Variants in GLT1D1 observed in about 807,000 individuals in gnomAD.
GLT1D1 encodes glycosyltransferase 1 domain containing 1.
In GLT1D1, 21 loss-of-function variants were observed where a neutral mutation model predicts 28.7. The observed-to-expected ratio is 0.73, with a 90% CI of 0.52 to 1.05. GLT1D1 has a LOEUF of 1.05. Ranked by LOEUF, GLT1D1 falls within the 50% of genes least tolerant of loss-of-function variation. GLT1D1 has a pLI of 0.00. For missense variants in GLT1D1, 343 were observed against 330.6 expected (o/e 1.04, Z -0.29); for synonymous variants, 147 against 124.8 (o/e 1.18, Z -1.19).
intron 4 of GLT1D1, among the ~76,000 whole-genome samples, chr12:128,943,027 G>A (rs1162996645): frequency 2.0e-5 from 3 of 152,154 alleles, no homozygotes; most frequent in East Asian, 1.9e-4. Flanking sequence ...GATTATAGGC[G>A]TGAGCCACCA....
intron 2 of GLT1D1, among the ~76,000 whole-genome samples, chr12:128,883,076 G>A (rs1022955233): frequency 2.0e-5 from 3 of 151,266 alleles, no homozygotes; most frequent in East Asian, 2.0e-4. Flanking sequence ...ACGAGCACGC[G>A]CCACCACGCC....
At chr12:128,863,188 G>A (rs1956421882) in intron 1 of GLT1D1, among the ~76,000 whole-genome samples, 1 of 152,236 alleles carries the variant, frequency 6.6e-6, no homozygotes, top group East Asian at 1.9e-4. Context: ...AGCCACATGG[G>A]AATAGGATGG....
chr12:128,925,236 A>C (rs1040602870), intron 4 of GLT1D1, among the ~76,000 whole-genome samples: 2 of 152,122 alleles, frequency 1.3e-5, no homozygotes, highest in African/African-American at 4.8e-5. Context: ...TTTATTATGT[A>C]GGTTAACAAT....
At chr12:128,961,566 C>T (rs773114104) in intron 7 of GLT1D1, among the ~76,000 whole-genome samples, 4 of 152,186 alleles carry the variant, frequency 2.6e-5, no homozygotes, top group Admixed American at 2.0e-4. Flanking sequence ...AGGCAAAGAA[C>T]GATGACTATC....
At chr12:128,896,699 C>T (rs1045870237) in intron 3 of GLT1D1, among the ~76,000 whole-genome samples, 37 of 151,484 alleles carry the variant, frequency 2.4e-4, no homozygotes, top group African/African-American at 3.6e-4. Flanking sequence ...CCTGCCTCAG[C>T]GTACCGAGTA....
At chr12:128,858,359 G>A (rs1046257629) in intron 1 of GLT1D1, among the ~76,000 whole-genome samples, 1 of 152,140 alleles carries the variant, frequency 6.6e-6, no homozygotes, top group African/African-American at 2.4e-5. Flanking sequence ...CATCCTTTGT[G>A]GGAGGAAAAT....
chr12:128,972,745 G>T (rs470393), intron 7 of GLT1D1, among the ~76,000 whole-genome samples: 2 of 152,080 alleles, frequency 1.3e-5, no homozygotes, highest in Non-Finnish European at 2.9e-5. Context: ...CCTGGTAAAA[G>T]GTGCAGCTGA....
intron 4 of GLT1D1, among the ~76,000 whole-genome samples, chr12:128,928,612 G>C (rs11060024): frequency 0.18 from 26,475 of 143,900 alleles, 2,642 homozygotes; most frequent in Non-Finnish European, 0.24. Flanking sequence ...CGTGTTTGTG[G>C]TTTTTTTTTT....
At chr12:128,928,824 G>T (rs763428182) in intron 4 of GLT1D1, among the ~76,000 whole-genome samples, 2 of 151,996 alleles carry the variant, frequency 1.3e-5, no homozygotes, top group Non-Finnish European at 2.9e-5. Flanking sequence ...GTTTTACCAC[G>T]TTGGGCAGGC....
At chr12:128,894,642 G>A (rs879792369) in intron 3 of GLT1D1, among the ~76,000 whole-genome samples, 16 of 151,804 alleles carry the variant, frequency 1.1e-4, no homozygotes, top group African/African-American at 2.7e-4. Flanking sequence ...CCAGGAGTTC[G>A]AGACCAGCCT....
At chr12:128,922,914 C>T (rs1266867359) in intron 4 of GLT1D1, among the ~76,000 whole-genome samples, 1 of 104,164 alleles carries the variant, frequency 9.6e-6, no homozygotes, top group African/African-American at 3.7e-5. Flanking sequence ...CAGGCTGAGA[C>T]TCCATCTCAA....
chr12:128,936,911 A>G lies in GLT1D1; in HGVS notation c.376-8415A>G, dbSNP rs144916527. On this transcript the variant is annotated intron_variant, in intron 4 of 7. Transcript: ENST00000281703. ...TTCTCTTTATCTTGCACTTTGTTCC[A>G]CGTGGCTTCACTAAGAGATTTGAAA... 8.1e-3 allele frequency among the ~76,000 whole-genome samples: 1,240 copies of G among 152,324 alleles called. 22 individuals carry two copies. Among genetic ancestry groups the G allele is most frequent in the African/African-American group, 0.028 (1,185 of 41,582 alleles).
At chr12:128,896,349 T>A (rs1351287970) in intron 3 of GLT1D1, among the ~76,000 whole-genome samples, 1 of 152,056 alleles carries the variant, frequency 6.6e-6, no homozygotes, top group Non-Finnish European at 1.5e-5. Context: ...TGTTAAGAAT[T>A]TTCTTTCTAA....
chr12:128,981,721 A>T (rs1346281273), intron 7 of GLT1D1, among the ~76,000 whole-genome samples: 1 of 152,238 alleles, frequency 6.6e-6, no homozygotes, highest in East Asian at 1.9e-4. Context: ...TGGGGGAATA[A>T]CCATGGTAAT....
rs778404173 is a variant in GLT1D1, at chr12:128,969,268, G to GCT, written c.639+11635_639+11636dup. 4.7e-5 allele frequency among the ~76,000 whole-genome samples: 7 copies of GCT among 150,224 alleles called. No individual in the cohort carries two copies. The East Asian group carries it at 1.2e-3, about 25-fold the overall frequency. On this transcript the variant is annotated intron_variant, in intron 7 of 7. Transcript: ENST00000281703. ...GTTTCTACCTCTATCTCAGTCTCTA[G>GCT]CTCTCTCTCTCACTCTCTCTCTCTC...
chr12:128,889,109 C>T (rs1468007793), intron 3 of GLT1D1, among the ~76,000 whole-genome samples: 1 of 152,036 alleles, frequency 6.6e-6, no homozygotes. Flanking sequence ...GCAATCCAGC[C>T]TGAGTGGTAG....
At chr12:128,966,016 A>G (rs470381) in intron 7 of GLT1D1, among the ~76,000 whole-genome samples, 8,812 of 152,366 alleles carry the variant, frequency 0.058, 843 homozygotes, top group African/African-American at 0.2. Context: ...GGGACCTCCA[A>G]AAAGAGGACT....
At chr12:128,944,359 C>A in intron 4 of GLT1D1, 1 of 866,258 alleles carries the variant, frequency 1.2e-6, no homozygotes, top group South Asian at 1.3e-5. Flanking sequence ...GGTTTCTGTT[C>A]TGGAGAATGT....
chr12:128,874,124 C>CTCTCTTTCTT (rs1956807030), intron 1 of GLT1D1, among the ~76,000 whole-genome samples: 3 of 39,284 alleles, frequency 7.6e-5, no homozygotes, highest in African/African-American at 2.2e-4. Flanking sequence ...CTCTCTCTCT[C>CTCTCTTTCTT]TCTTTCTTTC....
Sources: gnomAD v4.1 joint callset for allele counts (sites outside exome capture counted in the v4.1 genomes callset) on GRCh38, gnomAD v4.1.1 for gene constraint, MANE v1.5 for transcripts, NCBI Gene and HGNC (gene_info 2026-07-23, HGNC 2026-07-21) for gene names.